Variants in HSPBP1 observed in about 807,000 individuals in gnomAD.
The protein encoded by HSPBP1 is HSPA (Hsp70) binding protein 1, also known as hsp70-binding protein 1.
HSPBP1 carries 31 observed loss-of-function variants against 41.7 expected under a neutral mutation model. That is an observed-to-expected ratio of 0.74 (90% CI 0.56 to 1.00). The LOEUF is 1.00. Ranked by LOEUF, HSPBP1 falls within the 50% of genes least tolerant of loss-of-function variation. HSPBP1 has a pLI of 0.00. For synonymous variants in HSPBP1, 199 were observed against 214.4 expected, an observed-to-expected ratio of 0.93 and a Z score of 0.63; for missense variants, 439 against 487.9, an observed-to-expected ratio of 0.90 and a Z score of 0.94.
At chr19:55,265,506 A>C in intron 6 of HSPBP1, 117 bp from the exon 7 acceptor site, 1 of 787,412 alleles carries the variant, frequency 1.3e-6, no homozygotes, top group Non-Finnish European at 2.2e-6. Flanking sequence ...GCTGCCCCAC[A>C]ATGGGCCTCC....
At chr19:55,267,147 T>G (rs960828086) in intron 4 of HSPBP1, among the ~76,000 whole-genome samples, 2 of 152,166 alleles carry the variant, frequency 1.3e-5, no homozygotes, top group African/African-American at 4.8e-5. Context: ...ATTTTATTTA[T>G]TTACTTATTT....
chr19:55,265,429 A>T lies in HSPBP1; in HGVS notation c.894-40T>A, dbSNP rs2087749875. 4.0e-6 allele frequency: 6 copies of T among 1,517,606 alleles called. No individual in the cohort carries two copies. In the Middle Eastern group the frequency reaches 8.5e-4, roughly 215 times the overall value. The allele number at this position is 1,517,606 out of a possible 1,614,324, so 94.0% of individuals were successfully genotyped here. On this transcript the variant is annotated intron_variant, in intron 6 of 7. Coordinates refer to ENST00000433386, the MANE Select transcript of HSPBP1 (RefSeq NM_012267.5). The stretch of plus-strand genomic sequence containing the variant: ...ACAGCGGCCCTTAGGACCTCCCTCT[A>T]GAGGCCTCACTGACCCAACCCTATC...
At chr19:55,263,769 A>G (rs2087704142) in intron 7 of HSPBP1, among the ~76,000 whole-genome samples, 1 of 152,158 alleles carries the variant, frequency 6.6e-6, no homozygotes, top group Non-Finnish European at 1.5e-5. Flanking sequence ...TAATATTTTA[A>G]GAAGGACACC....
intron 2 of HSPBP1, among the ~76,000 whole-genome samples, chr19:55,278,402 T>C (rs2088133153): frequency 1.3e-5 from 2 of 152,074 alleles, no homozygotes; most frequent in Non-Finnish European, 2.9e-5. Flanking sequence ...AAAGGTTCAA[T>C]GATATCATAT....
chr19:55,262,800 C>G, intron 7 of HSPBP1, 118 bp from the exon 8 acceptor site: 1 of 852,684 alleles, frequency 1.2e-6, no homozygotes, highest in South Asian at 1.6e-5. Context: ...CCACTCCCCC[C>G]CACCAGAGGT....
At chr19:55,278,760 G>A (rs1392011028) in intron 2 of HSPBP1, among the ~76,000 whole-genome samples, 2 of 152,008 alleles carry the variant, frequency 1.3e-5, no homozygotes, top group African/African-American at 4.8e-5. Flanking sequence ...CTAAAAATAC[G>A]AAAATTAGCC....
intron 1 of HSPBP1, 88 bp downstream of exon 1, chr19:55,279,947 G>C (rs557068944): frequency 7.0e-6 from 3 of 426,696 alleles, no homozygotes; most frequent in Non-Finnish European, 1.3e-5. Flanking sequence ...CTCCGCCTCC[G>C]TAGCAACAAG....
rs1194774545 is a variant in HSPBP1, at chr19:55,268,529, G to C, written c.641-2243C>G. On this transcript the variant is annotated intron_variant, in intron 4 of 7. Transcript: ENST00000433386. The surrounding 1 kb of genome is among the most constrained non-coding windows in gnomAD (Gnocchi z 4.5). ...CCCTGAAAACTCAGCATGTTGCGAT[G>C]TGCTTCATTTGTAAAATGCACACAC... 6.6e-6 allele frequency among the ~76,000 whole-genome samples: 1 copy of C among 152,190 alleles called. No individual in the cohort carries two copies. The highest frequency in any genetic ancestry group is 1.5e-5 in the Non-Finnish European group (1 of 68,038).
Position 55,266,285 on chromosome 19 carries a change from A to G in HSPBP1, c.642T>C (p.Cys214=). The G allele has an allele frequency of 6.4e-7, 1 of 1,571,184 alleles. No homozygotes were observed. The highest frequency in any genetic ancestry group is 8.6e-7 in the Non-Finnish European group (1 of 1,158,434). ...GCCCAGCCTCCTGCTCTCGGACCAG[A>G]CCTGGGAGAGGGGGAAAGGTCCTGA... ...VRVKALFAIS[C]LVREQEAGLL... is the part of the protein sequence containing the mutation. Residue 214 remains cysteine (C), a splice_region_variant and synonymous_variant, in exon 5 of 8, where the codon TGT becomes TGC. Coordinates refer to ENST00000433386, the MANE Select transcript of HSPBP1 (RefSeq NM_012267.5).
intron 7 of HSPBP1, 122 bp from the exon 8 acceptor site, chr19:55,262,804 C>T: frequency 2.4e-6 from 2 of 821,826 alleles, no homozygotes; most frequent in South Asian, 3.2e-5. Flanking sequence ...TCCCCCCCAC[C>T]AGAGGTTAGG....
rs527318678 is a variant in HSPBP1 at position 55,268,762 on chromosome 19, G to A, written c.641-2476C>T. On this transcript the variant is annotated intron_variant, in intron 4 of 7. Coordinates refer to ENST00000433386, the MANE Select transcript of HSPBP1 (RefSeq NM_012267.5). This position sits in a 1 kb window ranked among gnomAD's most constrained non-coding sequence, Gnocchi z 4.5. Reference sequence around the variant, plus strand: ...TGGCTCACTGCGACATACGTCTCTCGGGTTCAAGCAATTTTTATGCCTCAA... The same window carrying A: ...TGGCTCACTGCGACATACGTCTCTCAGGTTCAAGCAATTTTTATGCCTCAA... 1.6e-4 allele frequency among the ~76,000 whole-genome samples: 24 copies of A among 151,736 alleles called. No homozygotes were observed. Among genetic ancestry groups the A allele is most frequent in the Non-Finnish European group, 3.2e-4 (22 of 68,006 alleles).
intron 4 of HSPBP1, among the ~76,000 whole-genome samples, chr19:55,273,279 C>A (rs1339309826): frequency 6.6e-6 from 1 of 152,174 alleles, no homozygotes; most frequent in Non-Finnish European, 1.5e-5. Context: ...TGTGAGCCAC[C>A]ACGCCTGGCC....
chr19:55,262,978 A>G (rs1292008604), intron 7 of HSPBP1, among the ~76,000 whole-genome samples: 1 of 152,188 alleles, frequency 6.6e-6, no homozygotes, highest in African/African-American at 2.4e-5. Context: ...CCACTGCTCA[A>G]AACTTTCTGC....
Position 55,268,120 on chromosome 19 carries a change from G to A in HSPBP1, c.641-1834C>T, listed in dbSNP as rs1314056654. On this transcript the variant is annotated intron_variant, in intron 4 of 7. Coordinates refer to ENST00000433386, the MANE Select transcript of HSPBP1 (RefSeq NM_012267.5). This position sits in a 1 kb window ranked among gnomAD's most constrained non-coding sequence, Gnocchi z 4.5. ...ACTTAAGGTGAAAAACTGAAGCAGT[G>A]TAAAATATTTTCCATTAAACACAAC... Among the ~76,000 whole-genome samples, 1 of 152,174 alleles carries A rather than the reference G, an allele frequency of 6.6e-6. No individual in the cohort carries two copies. Among genetic ancestry groups the A allele is most frequent in the Non-Finnish European group, 1.5e-5 (1 of 68,026 alleles).
At chr19:55,264,038 G>A (rs1034884758) in intron 7 of HSPBP1, among the ~76,000 whole-genome samples, 3 of 150,348 alleles carry the variant, frequency 2.0e-5, no homozygotes, top group African/African-American at 7.4e-5. Context: ...GCGCATCTTG[G>A]CTCACTGCAA....
Position 55,274,592 on chromosome 19 carries a change from AG to A in HSPBP1, c.445del (p.Leu149TrpfsTer87). 1 of 1,607,924 alleles carries A rather than the reference AG, an allele frequency of 6.2e-7. No individual in the cohort carries two copies. The highest frequency in any genetic ancestry group is 8.5e-7 in the Non-Finnish European group (1 of 1,179,482). ...CCCCGCCTCCAGGTACCGGCCCACC[AG>A]CAGGTGCATGCCAGACAGCTGGCAG... ...DFCQLSGMHLLVGRYLEAGAA... is the reference protein window; with the variant it reads ...DFCQLSGMHLXVGRYLEAGAA... On this transcript the variant is annotated frameshift_variant, in exon 4 of 8. Coordinates refer to ENST00000433386, the MANE Select transcript of HSPBP1 (RefSeq NM_012267.5). LOFTEE classifies it high-confidence loss of function.
At chr19:55,278,982 C>T (rs1402255444) in intron 2 of HSPBP1, among the ~76,000 whole-genome samples, 2 of 142,890 alleles carry the variant, frequency 1.4e-5, no homozygotes, top group Non-Finnish European at 3.0e-5. Context: ...CATGAAAACA[C>T]ACTGCTGCCT....
intron 7 of HSPBP1, 56 bp from the exon 8 acceptor site, chr19:55,262,738 C>G: frequency 6.6e-7 from 1 of 1,521,114 alleles, no homozygotes; most frequent in Middle Eastern, 1.7e-4. Flanking sequence ...CGGACCCTGC[C>G]TCCAGCATTC....
At chr19:55,274,144 G>A (rs1238658066) in intron 4 of HSPBP1, among the ~76,000 whole-genome samples, 2 of 152,076 alleles carry the variant, frequency 1.3e-5, no homozygotes, top group Non-Finnish European at 2.9e-5. Context: ...AAACTGCTGT[G>A]TGCAAAGCGC....
Sources: allele counts gnomAD v4.1 joint callset (sites outside exome capture counted in the v4.1 genomes callset), GRCh38; gene constraint gnomAD v4.1.1; non-coding constraint Gnocchi (gnomAD v3.1); transcripts MANE v1.5; gene names NCBI Gene and HGNC (gene_info 2026-07-23, HGNC 2026-07-21).